CSGALNACT2: variants seen among roughly 807,000 people sequenced by gnomAD.
CSGALNACT2 encodes chondroitin sulfate N-acetylgalactosaminyltransferase 2.
In CSGALNACT2, 35 loss-of-function variants were observed where a neutral mutation model predicts 55.3. The ratio of observed to expected loss-of-function variants is 0.63; its 90% CI spans 0.48 to 0.84. The LOEUF (loss-of-function observed/expected upper bound fraction) is 0.84. Ranked by LOEUF, CSGALNACT2 falls within the 40% of genes least tolerant of loss-of-function variation. The pLI is 0.00. For synonymous variants in CSGALNACT2, 196 were observed against 224.9 expected (o/e 0.87, Z 1.15); for missense variants, 544 against 657.5 (o/e 0.83, Z 1.89).
chr10:43,164,020 A>G lies in CSGALNACT2; in HGVS notation c.1135A>G (p.Ser379Gly), dbSNP rs755245253. Residue 379 changes from serine to glycine, a missense_variant, in exon 5 of 8, where the codon AGC becomes GGC. Coordinates refer to ENST00000374466, the MANE Select transcript of CSGALNACT2 (RefSeq NM_018590.5). ...DIYFSAEFLNSCRLNAEPGKK... is the reference protein window; with the variant it reads ...DIYFSAEFLNGCRLNAEPGKK... ...CTATTTCTCAGCCGAATTCCTTAAC[A>G]GCTGCCGGTTAAATGCTGAGCCAGG... 1.9e-6 allele frequency: 3 copies of G among 1,613,836 alleles called. No individual in the cohort carries two copies. The highest frequency in any genetic ancestry group is 2.5e-6 in the Non-Finnish European group (3 of 1,179,838).
In CSGALNACT2 at chr10:43,162,239, G is replaced by A. The variant is rs569792427; in HGVS notation, c.981-1627G>A. On this transcript the variant is annotated intron_variant, in intron 4 of 7. Coordinates refer to ENST00000374466, the MANE Select transcript of CSGALNACT2 (RefSeq NM_018590.5). ...CATGGTGAGGGATATGACTGTTGGC[G>A]GCTCTGGGCTCACATCTTCTCAGCT... The A allele has an allele frequency of 4.4e-5, 23 of 524,576 alleles. 1 individual carries two copies. The highest frequency in any genetic ancestry group is 1.1e-4 in the South Asian group (8 of 71,690). 32.5% of individuals were successfully genotyped at this position (524,576 alleles called of 1,614,324 possible). A position where few individuals can be genotyped will look rare whatever the true frequency, so the allele number is the denominator to read the frequency against.
intron 7 of CSGALNACT2, among the ~76,000 whole-genome samples, chr10:43,182,969 G>A (rs1839619042): frequency 6.6e-6 from 1 of 151,548 alleles, no homozygotes; most frequent in South Asian, 2.1e-4. Context: ...TTGACTTTTT[G>A]TAGATTTTCT....
At chr10:43,149,875 C>G (rs1838838979) in intron 1 of CSGALNACT2, among the ~76,000 whole-genome samples, 1 of 152,176 alleles carries the variant, frequency 6.6e-6, no homozygotes, top group Admixed American at 6.5e-5. Flanking sequence ...CAAGACCAGC[C>G]TGACCAACAT....
At chr10:43,170,323 C>T (rs922844347) in intron 6 of CSGALNACT2, among the ~76,000 whole-genome samples, 2 of 152,040 alleles carry the variant, frequency 1.3e-5, no homozygotes, top group African/African-American at 4.8e-5. Flanking sequence ...CAGAGGTCCA[C>T]GGAGAAATGG....
intron 1 of CSGALNACT2, among the ~76,000 whole-genome samples, chr10:43,147,318 C>T (rs1028462960): frequency 1.4e-5 from 2 of 142,550 alleles, no homozygotes; most frequent in African/African-American, 5.4e-5. Context: ...CAGGCCTTTT[C>T]CCACATTTTA....
intron 4 of CSGALNACT2, chr10:43,162,353 A>C (rs1352025907): frequency 5.4e-6 from 6 of 1,109,942 alleles, no homozygotes; most frequent in Middle Eastern, 2.7e-4. Context: ...GCCAATCACT[A>C]TGGCCAGGTT....
chr10:43,172,604 G>A (rs1839403912), intron 6 of CSGALNACT2, among the ~76,000 whole-genome samples: 5 of 152,182 alleles, frequency 3.3e-5, no homozygotes, highest in Admixed American at 3.3e-4. Context: ...TGTGCACACT[G>A]CCTCTGTTAT....
At position 43,184,385 on chromosome 10, in the gene CSGALNACT2, G is replaced by A. The variant is rs1369936313; in HGVS notation, c.*843G>A. 6.6e-6 allele frequency: 1 copy of A among 152,156 alleles called. No homozygotes were observed. Among genetic ancestry groups the A allele is most frequent in the Non-Finnish European group, 1.5e-5 (1 of 68,018 alleles). 9.4% of individuals were successfully genotyped at this position (152,156 alleles called of 1,614,324 possible). ...GCTCTATCAGGGTCTTCCCATGGTG[G>A]TTCAGAATAGATGAGCATAGCATGG... On this transcript the variant is annotated 3_prime_UTR_variant, in exon 8 of 8. Coordinates refer to ENST00000374466, the MANE Select transcript of CSGALNACT2 (RefSeq NM_018590.5).
At position 43,163,235 on chromosome 10, in the gene CSGALNACT2, ACTG is replaced by A. The variant is rs1303637446; in HGVS notation, c.981-627_981-625del. ...AGACATGAGCGATGTATTTTTCAGAACTGCTGTTCATTCATTCATTCAGCAAAT... is the reference window on the plus strand; with the variant it reads ...AGACATGAGCGATGTATTTTTCAGAACTGTTCATTCATTCATTCAGCAAAT... On this transcript the variant is annotated intron_variant, in intron 4 of 7. Coordinates refer to ENST00000374466, the MANE Select transcript of CSGALNACT2 (RefSeq NM_018590.5). 7 of 982,192 alleles carry A rather than the reference ACTG, an allele frequency of 7.1e-6. No individual in the cohort carries two copies. The African/African-American group carries it at 1.2e-4, about 17-fold the overall frequency. The allele number at this position is 982,192 out of a possible 1,614,324, so 60.8% of individuals were successfully genotyped here.
chr10:43,158,593 T>C (rs576288901), intron 2 of CSGALNACT2, 122 bp from the exon 3 acceptor site: 82 of 612,570 alleles, frequency 1.3e-4, no homozygotes, highest in African/African-American at 1.1e-3. Flanking sequence ...TTTTCACAAA[T>C]AGGTAAAAAT....
At chr10:43,179,626 T>C (rs540161624) in intron 7 of CSGALNACT2, among the ~76,000 whole-genome samples, 59 of 152,322 alleles carry the variant, frequency 3.9e-4, no homozygotes, top group African/African-American at 1.4e-3. Flanking sequence ...GCTGTCTTGT[T>C]TTTGACAATG....
intron 7 of CSGALNACT2, among the ~76,000 whole-genome samples, chr10:43,181,107 C>T (rs913799534): frequency 6.6e-6 from 1 of 152,208 alleles, no homozygotes; most frequent in Non-Finnish European, 1.5e-5. Context: ...AGAGGTAAAA[C>T]TCACATGAGT....
chr10:43,171,383 G>A (rs753112063), intron 6 of CSGALNACT2, among the ~76,000 whole-genome samples: 3 of 146,922 alleles, frequency 2.0e-5, no homozygotes, highest in South Asian at 2.1e-4. Flanking sequence ...ATGGAGTTTC[G>A]CTCTTGTTGC....
chr10:43,172,718 CTTTA>C (rs772528104), intron 6 of CSGALNACT2, among the ~76,000 whole-genome samples: 6 of 152,214 alleles, frequency 3.9e-5, no homozygotes, highest in Admixed American at 2.0e-4. Flanking sequence ...TCGTGAGGAT[CTTTA>C]TTTATTAGGA....
At chr10:43,148,775 T>C (rs970966048) in intron 1 of CSGALNACT2, among the ~76,000 whole-genome samples, 1 of 152,200 alleles carries the variant, frequency 6.6e-6, no homozygotes, top group Non-Finnish European at 1.5e-5. Context: ...TTATAATAGA[T>C]TTTTAGTGAA....
intron 6 of CSGALNACT2, among the ~76,000 whole-genome samples, chr10:43,170,603 T>C (rs938152202): frequency 1.3e-5 from 2 of 152,112 alleles, no homozygotes; most frequent in Admixed American, 1.3e-4. Flanking sequence ...AAATATTGAG[T>C]GACTAGACTA....
In CSGALNACT2 at chr10:43,155,323, A is replaced by G. The variant is rs771795425; in HGVS notation, c.174A>G (p.Gln58=). 4 of 1,614,190 alleles carry G rather than the reference A, an allele frequency of 2.5e-6. No individual in the cohort carries two copies. The highest frequency in any genetic ancestry group is 1.1e-5 in the South Asian group (1 of 91,082). ...VGENYGKEYY[Q]ALLQEQEEHY... ...AAAATTATGGTAAAGAGTATTATCAAGCCCTCCTACAGGAACAAGAAGAAC... is the reference window on the plus strand; with the variant it reads ...AAAATTATGGTAAAGAGTATTATCAGGCCCTCCTACAGGAACAAGAAGAAC... Residue 58 remains glutamine, a synonymous_variant, in exon 2 of 8, where the codon CAA becomes CAG. Transcript: ENST00000374466.
At chr10:43,145,881 A>G (rs146866670) in intron 1 of CSGALNACT2, among the ~76,000 whole-genome samples, 102 of 152,300 alleles carry the variant, frequency 6.7e-4, no homozygotes, top group African/African-American at 2.3e-3. Context: ...TTTTAATAGT[A>G]TGAATATGTG....
chr10:43,153,829 T>G (rs951637015), intron 1 of CSGALNACT2, among the ~76,000 whole-genome samples: 17 of 152,224 alleles, frequency 1.1e-4, no homozygotes, highest in African/African-American at 4.1e-4. Flanking sequence ...ATTTTATAAA[T>G]GTATAAATGG....
Sources: gnomAD v4.1 joint callset for allele counts (sites outside exome capture counted in the v4.1 genomes callset) on GRCh38, gnomAD v4.1.1 for gene constraint, MANE v1.5 for transcripts, NCBI Gene and HGNC (gene_info 2026-07-23, HGNC 2026-07-21) for gene names.